Variants in PTPRK observed in about 807,000 individuals in gnomAD.
The protein encoded by PTPRK is protein tyrosine phosphatase receptor type K.
PTPRK carries 75 observed loss-of-function variants against 178.0 expected under a neutral mutation model. The observed-to-expected ratio is 0.42, with a 90% CI of 0.35 to 0.51. The LOEUF (loss-of-function observed/expected upper bound fraction) is 0.51. Ranked by LOEUF, PTPRK falls within the 20% of genes least tolerant of loss-of-function variation. The pLI, the probability that PTPRK is intolerant of heterozygous loss-of-function variation, is 0.02. For missense variants in PTPRK, 1,441 were observed against 1,797.8 expected (o/e 0.80, Z 3.59); for synonymous variants, 637 against 620.6 (o/e 1.03, Z -0.39).
At chr6:128,317,129 G>T (rs1344738988) in intron 3 of PTPRK, among the ~76,000 whole-genome samples, 1 of 152,072 alleles carries the variant, frequency 6.6e-6, no homozygotes, top group Non-Finnish European at 1.5e-5. Flanking sequence ...GCTAACTTCA[G>T]AAGTCACTGA....
chr6:128,285,967 C>A (rs1426155636), intron 3 of PTPRK, among the ~76,000 whole-genome samples: 1 of 152,076 alleles, frequency 6.6e-6, no homozygotes. Context: ...CCGTGATCCA[C>A]GAGCCCTCTG....
chr6:127,979,897 G>A (rs1162091605), intron 25 of PTPRK, among the ~76,000 whole-genome samples: 1 of 152,210 alleles, frequency 6.6e-6, no homozygotes, highest in Admixed American at 6.5e-5. Context: ...CATAATCAAA[G>A]TAAAGTGGCC....
At chr6:128,497,205 A>G (rs1854806571) in intron 1 of PTPRK, among the ~76,000 whole-genome samples, 1 of 152,244 alleles carries the variant, frequency 6.6e-6, no homozygotes, top group Admixed American at 6.5e-5. Flanking sequence ...CAGAACACTA[A>G]TTTTAACATT....
intron 13 of PTPRK, among the ~76,000 whole-genome samples, chr6:128,040,568 T>C (rs1419200080): frequency 6.6e-6 from 1 of 152,062 alleles, no homozygotes; most frequent in African/African-American, 2.4e-5. Flanking sequence ...ACAAGATTGT[T>C]TGAATTGAAA....
intron 1 of PTPRK, among the ~76,000 whole-genome samples, chr6:128,401,232 C>T (rs904574683): frequency 1.4e-4 from 21 of 152,138 alleles, no homozygotes; most frequent in African/African-American, 4.8e-4. Context: ...CTGATATGAA[C>T]TTGCCAGAAT....
intron 27 of PTPRK, 36 bp downstream of exon 27, chr6:127,976,621 T>G: frequency 6.2e-7 from 1 of 1,611,732 alleles, no homozygotes; most frequent in Non-Finnish European, 8.5e-7. Flanking sequence ...GACTGACCTA[T>G]TCTAGATCAG....
intron 1 of PTPRK, among the ~76,000 whole-genome samples, chr6:128,447,545 T>C (rs1055100041): frequency 6.6e-6 from 1 of 152,070 alleles, no homozygotes; most frequent in African/African-American, 2.4e-5. Flanking sequence ...TGGTGAGATC[T>C]GACCCATGCT....
At chr6:128,285,341 C>A (rs112147471) in intron 3 of PTPRK, among the ~76,000 whole-genome samples, 1 of 146,014 alleles carries the variant, frequency 6.8e-6, no homozygotes, top group Admixed American at 7.0e-5. Context: ...ATGGTGAAAC[C>A]CTGTCTCTAC....
At chr6:128,492,329 A>G (rs1562631901) in intron 1 of PTPRK, among the ~76,000 whole-genome samples, 1 of 152,204 alleles carries the variant, frequency 6.6e-6, no homozygotes, top group Non-Finnish European at 1.5e-5. Context: ...CCTCTTCAGC[A>G]TGTTCCCAGA....
intron 3 of PTPRK, among the ~76,000 whole-genome samples, chr6:128,287,765 A>C (rs1224775621): frequency 6.6e-6 from 1 of 152,144 alleles, no homozygotes; most frequent in Non-Finnish European, 1.5e-5. Flanking sequence ...AACTCTAAGC[A>C]TTTGACTATT....
At chr6:128,265,829 T>G (rs1053925390) in intron 3 of PTPRK, among the ~76,000 whole-genome samples, 1 of 152,150 alleles carries the variant, frequency 6.6e-6, no homozygotes, top group African/African-American at 2.4e-5. Context: ...AAAATTCTTA[T>G]GTTGAAATTT....
intron 6 of PTPRK, among the ~76,000 whole-genome samples, chr6:128,202,654 C>CA (rs1401681986): frequency 5.3e-5 from 8 of 152,104 alleles, no homozygotes; most frequent in Non-Finnish European, 1.0e-4. Flanking sequence ...CGGAGTTCCC[C>CA]AGGGAAGGGG....
At chr6:128,448,755 G>T (rs1012629) in intron 1 of PTPRK, among the ~76,000 whole-genome samples, 20,588 of 152,146 alleles carry the variant, frequency 0.14, 1,696 homozygotes, top group Non-Finnish European at 0.19. Context: ...TTTAAGAGGG[G>T]TTATCTAACA....
chr6:128,131,776 T>A (rs965508121), intron 7 of PTPRK, among the ~76,000 whole-genome samples: 10 of 152,216 alleles, frequency 6.6e-5, no homozygotes, highest in African/African-American at 2.2e-4. Flanking sequence ...TTTCAAAGAT[T>A]GTTTTTTCAC....
At chr6:128,048,238 C>T (rs1200454083) in intron 13 of PTPRK, among the ~76,000 whole-genome samples, 1 of 152,156 alleles carries the variant, frequency 6.6e-6, no homozygotes, top group Non-Finnish European at 1.5e-5. Flanking sequence ...ATTCTTGGGC[C>T]TCTTTCCAGG....
chr6:128,425,101 C>T (rs1179528340), intron 1 of PTPRK, among the ~76,000 whole-genome samples: 2 of 135,626 alleles, frequency 1.5e-5, no homozygotes, highest in African/African-American at 2.9e-5. Context: ...TTTTTTGAGA[C>T]GGAGTCTCGC....
At chr6:128,077,888 A>C (rs1362839357) in intron 11 of PTPRK, among the ~76,000 whole-genome samples, 1 of 152,040 alleles carries the variant, frequency 6.6e-6, no homozygotes, top group Non-Finnish European at 1.5e-5. Flanking sequence ...AAAGATAAAG[A>C]AAATGGCAAA....
At chr6:128,196,044 G>A (rs1804799491) in intron 6 of PTPRK, among the ~76,000 whole-genome samples, 1 of 152,036 alleles carries the variant, frequency 6.6e-6, no homozygotes, top group South Asian at 2.1e-4. Context: ...TGATGGCAAT[G>A]ATATAAAAAA....
At position 128,009,230 on chromosome 6, in the gene PTPRK, C is replaced by T. The variant is rs754334076; in HGVS notation, c.2233G>A (p.Ala745Thr). 86 of 1,608,166 alleles carry T rather than the reference C, an allele frequency of 5.3e-5. No homozygotes were observed. The South Asian group carries it at 5.8e-4, about 11-fold the overall frequency. The change falls in exon 14 of 30, where the codon GCC becomes ACC. Residue 745 changes from alanine to threonine, a missense_variant. This residue lies in a region of PTPRK where 945 missense variants were observed against 1,080.6 expected (regional missense o/e 0.87). Coordinates refer to ENST00000368226, the MANE Select transcript of PTPRK (RefSeq NM_002844.4). ...TTCACCACTCTGTCTGTCTGCTTGG[C>T]GGGATCTGGGATCACTTCTGGTTCT... Reference protein sequence around the residue: ...TEEPEVIPDPAKQTDRVVKIA... With the variant: ...TEEPEVIPDPTKQTDRVVKIA...
Sources: allele counts gnomAD v4.1 joint callset (sites outside exome capture counted in the v4.1 genomes callset), GRCh38; gene constraint gnomAD v4.1.1; regional missense constraint gnomAD v4.1.1; transcripts MANE v1.5; gene names NCBI Gene and HGNC (gene_info 2026-07-23, HGNC 2026-07-21).